ARL15: variants seen among roughly 807,000 people sequenced by gnomAD.
ARL15 encodes the protein ADP-ribosylation factor-like protein 15.
In ARL15, 19 loss-of-function variants were observed where a neutral mutation model predicts 25.2. The observed-to-expected ratio is 0.75, with a 90% confidence interval of 0.53 to 1.10. The LOEUF (loss-of-function observed/expected upper bound fraction) is 1.10, where lower values mean the gene tolerates loss of function less well. Ranked by LOEUF, ARL15 falls within the 50% of genes least tolerant of loss-of-function variation. The probability of loss-of-function intolerance (pLI) is 0.00; values close to 1 mark genes in which losing one functional copy is unlikely to be tolerated. For missense variants in ARL15, 220 were observed against 246.0 expected (o/e 0.89, Z 0.71); for synonymous variants, 94 against 86.8 (o/e 1.08, Z -0.46).
At chr5:53,940,743 T>C (rs1329103792) in intron 4 of ARL15, among the ~76,000 whole-genome samples, 1 of 152,210 alleles carries the variant, frequency 6.6e-6, no homozygotes, top group Non-Finnish European at 1.5e-5. Context: ...ATGTTTCATA[T>C]GAAAAACAGA....
At chr5:54,090,090 G>T (rs1465331682) in intron 4 of ARL15, among the ~76,000 whole-genome samples, 1 of 152,092 alleles carries the variant, frequency 6.6e-6, no homozygotes, top group Non-Finnish European at 1.5e-5. Flanking sequence ...TTGAGAAATG[G>T]TTGTACATAT....
chr5:54,181,682 C>A (rs1380871712), intron 1 of ARL15, among the ~76,000 whole-genome samples: 1 of 152,006 alleles, frequency 6.6e-6, no homozygotes, highest in Admixed American at 6.5e-5. Flanking sequence ...GCTGGTAATC[C>A]CAGCACTTTA....
chr5:54,208,429 T>C (rs2112500259), intron 1 of ARL15, among the ~76,000 whole-genome samples: 2 of 151,660 alleles, frequency 1.3e-5, no homozygotes, highest in African/African-American at 4.8e-5. Flanking sequence ...CACACACACA[T>C]ATTCACACAC....
intron 4 of ARL15, among the ~76,000 whole-genome samples, chr5:53,951,141 C>T (rs966426660): frequency 2.0e-5 from 3 of 152,154 alleles, no homozygotes; most frequent in African/African-American, 7.2e-5. Flanking sequence ...TGAAACACAG[C>T]AAGATTCATT....
chr5:53,989,520 C>T (rs1319737319), intron 4 of ARL15, among the ~76,000 whole-genome samples: 2 of 152,126 alleles, frequency 1.3e-5, no homozygotes, highest in Admixed American at 1.3e-4. Context: ...TATATCTACC[C>T]ACTGTTGAAT....
At chr5:54,234,614 G>T (rs567801696) in intron 1 of ARL15, among the ~76,000 whole-genome samples, 2 of 152,258 alleles carry the variant, frequency 1.3e-5, no homozygotes, top group South Asian at 4.1e-4. Flanking sequence ...TTGTACAACA[G>T]TCTCCTAGTG....
At chr5:54,154,950 G>A (rs1028132937) in intron 2 of ARL15, among the ~76,000 whole-genome samples, 13 of 152,148 alleles carry the variant, frequency 8.5e-5, no homozygotes, top group Middle Eastern at 3.4e-3. Flanking sequence ...GTGAAACCCC[G>A]TTTCTACTAA....
At chr5:54,116,884 C>T (rs533775543) in intron 3 of ARL15, among the ~76,000 whole-genome samples, 4 of 152,056 alleles carry the variant, frequency 2.6e-5, no homozygotes, top group South Asian at 4.2e-4. Context: ...GGCAATGAGG[C>T]TAAATAAAGA....
intron 4 of ARL15, among the ~76,000 whole-genome samples, chr5:54,088,521 C>T (rs373710344): frequency 2.0e-5 from 3 of 152,178 alleles, no homozygotes; most frequent in East Asian, 3.9e-4. Context: ...AAATGATTTA[C>T]TCAGCTTGGT....
At chr5:53,895,093 A>G (rs747499834) in intron 4 of ARL15, among the ~76,000 whole-genome samples, 4 of 152,194 alleles carry the variant, frequency 2.6e-5, no homozygotes, top group East Asian at 1.9e-4. Flanking sequence ...AGCCCTTTAT[A>G]GAAAATAAAA....
chr5:54,140,366 A>G (rs1298433259), intron 3 of ARL15, among the ~76,000 whole-genome samples: 1 of 152,052 alleles, frequency 6.6e-6, no homozygotes, highest in Non-Finnish European at 1.5e-5. Context: ...ACCACCAACT[A>G]TGATTTTGAA....
At chr5:54,042,442 G>A (rs1750371186) in intron 4 of ARL15, among the ~76,000 whole-genome samples, 1 of 152,166 alleles carries the variant, frequency 6.6e-6, no homozygotes, top group East Asian at 1.9e-4. Context: ...ATGATACATG[G>A]AAGATCTTTA....
rs143630625 is a variant in ARL15, at chr5:53,909,963, T to C, written c.463-23250A>G. On this transcript the variant is annotated intron_variant, in intron 4 of 4. Coordinates refer to ENST00000504924, the MANE Select transcript of ARL15 (RefSeq NM_019087.3). ...AAATATAGTTGCTTTTTAACCATCA[T>C]AGTTAAGAAATATGGATTTTTATCT... Among the ~76,000 whole-genome samples, 24 of 152,322 alleles carry C rather than the reference T, an allele frequency of 1.6e-4. No homozygotes were observed. In the East Asian group the frequency reaches 3.7e-3, roughly 23 times the overall value.
At chr5:54,069,466 G>A (rs1751348803) in intron 4 of ARL15, among the ~76,000 whole-genome samples, 1 of 149,784 alleles carries the variant, frequency 6.7e-6, no homozygotes, top group Admixed American at 6.7e-5. Context: ...AGCTACTCGG[G>A]AGGCTTAGGC....
At chr5:54,139,954 C>G (rs1426342785) in intron 3 of ARL15, among the ~76,000 whole-genome samples, 1 of 152,178 alleles carries the variant, frequency 6.6e-6, no homozygotes, top group African/African-American at 2.4e-5. Flanking sequence ...GGATCTTAAC[C>G]AATCACCATT....
chr5:54,117,002 A>G (rs1752919621), intron 3 of ARL15, among the ~76,000 whole-genome samples: 1 of 152,234 alleles, frequency 6.6e-6, no homozygotes, highest in Non-Finnish European at 1.5e-5. Context: ...ACATTTCCCA[A>G]CTGGTTAATT....
intron 4 of ARL15, among the ~76,000 whole-genome samples, chr5:54,045,182 T>A (rs1750467426): frequency 6.6e-6 from 1 of 152,116 alleles, no homozygotes; most frequent in South Asian, 2.1e-4. Flanking sequence ...AGTAGTTCCC[T>A]GGTCAGAAAA....
At chr5:54,071,799 G>A (rs1349149787) in intron 4 of ARL15, among the ~76,000 whole-genome samples, 14 of 151,700 alleles carry the variant, frequency 9.2e-5, no homozygotes, top group African/African-American at 1.7e-4. Context: ...GTGAAACCCC[G>A]TCTCTACTAA....
intron 1 of ARL15, among the ~76,000 whole-genome samples, chr5:54,215,580 A>G (rs910627119): frequency 3.4e-5 from 5 of 147,050 alleles, no homozygotes; most frequent in Admixed American, 1.4e-4. Flanking sequence ...TTCAGCGAAG[A>G]AACCCCAGAC....
Sources: gnomAD v4.1 joint callset for allele counts (sites outside exome capture counted in the v4.1 genomes callset) on GRCh38, gnomAD v4.1.1 for gene constraint, MANE v1.5 for transcripts, NCBI Gene and HGNC (gene_info 2026-07-23, HGNC 2026-07-21) for gene names.